The following TMEM235 variants were observed in gnomAD, a reference collection of about 807,000 sequenced individuals.
TMEM235 encodes transmembrane protein 235, also known as claudin-27.
In TMEM235, 23 loss-of-function variants were observed where a neutral mutation model predicts 22.9. The observed-to-expected ratio is 1.00, with a 90% confidence interval of 0.72 to 1.42. The LOEUF is 1.42. Ranked by LOEUF, TMEM235 falls within the 40% of genes most tolerant of loss-of-function variation. TMEM235 has a pLI of 0.00. For missense variants in TMEM235, 308 were observed against 299.5 expected (o/e 1.03, Z -0.21); for synonymous variants, 137 against 140.5 (o/e 0.98, Z 0.17).
chr17:78,235,596 A>G (rs1322185449), intron 4 of TMEM235, among the ~76,000 whole-genome samples: 1 of 126,370 alleles, frequency 7.9e-6, no homozygotes, highest in Admixed American at 8.1e-5. Flanking sequence ...TGGGTGCTAC[A>G]TAGTTTTTTT....
rs11077351 is a variant in TMEM235, at chr17:78,237,607, G to T, written c.410-1417G>T. ...AGCTGGTGGGGCGGCCTGCCAGGAA[G>T]TGGGGCCTTGGGCTGCAGCTGCAGC... On this transcript the variant is annotated intron_variant, in intron 4 of 5. Coordinates refer to ENST00000421688, the Ensembl canonical transcript of TMEM235. The surrounding 1 kb of genome is among the most constrained non-coding windows in gnomAD (Gnocchi z 4.7). Among the ~76,000 whole-genome samples, 36,036 of 151,864 alleles carry T rather than the reference G, an allele frequency of 0.24. 4,628 individuals are homozygous for T. Among genetic ancestry groups the T allele is most frequent in the Admixed American group, 0.31 (4,689 of 15,276 alleles).
At chr17:78,231,381 G>A (rs1470566874) in intron 1 of TMEM235, 5 of 1,255,866 alleles carry the variant, frequency 4.0e-6, no homozygotes, top group Admixed American at 2.6e-5. Flanking sequence ...TTGCTGGAGG[G>A]GGCATTTGTA....
exon 5 of TMEM235, chr17:78,239,229 C>T (rs1414497849): frequency 1.9e-6 from 3 of 1,542,730 alleles, no homozygotes; most frequent in East Asian, 4.9e-5. Context: ...TCAGCCTGAG[C>T]CCCCCAATCT....
chr17:78,239,307 C>A, intron 5 of TMEM235, 34 bp downstream of exon 4: 1 of 1,521,928 alleles, frequency 6.6e-7, no homozygotes, highest in Non-Finnish European at 8.8e-7. Context: ...TTGCACCTCC[C>A]GGGATTGGGC....
rs1407542027 is a variant in TMEM235 at position 78,236,453 on chromosome 17, C to T, written c.409+1723C>T. 4.6e-5 allele frequency among the ~76,000 whole-genome samples: 7 copies of T among 152,216 alleles called. No individual in the cohort carries two copies. In the East Asian group the frequency reaches 9.6e-4, roughly 21 times the overall value. ...CGCGGCTCCAGCTCTGACTACATGC[C>T]GAGTGCTGGCCAAGTGCTCCTCCGA... On this transcript the variant is annotated intron_variant, in intron 4 of 5. Coordinates refer to ENST00000421688, the Ensembl canonical transcript of TMEM235.
Position 78,237,819 on chromosome 17 carries a change from T to A in TMEM235, c.410-1205T>A, listed in dbSNP as rs972911538. Among the ~76,000 whole-genome samples the A allele has an allele frequency of 6.6e-6, 1 of 152,132 alleles. No individual in the cohort carries two copies. Among genetic ancestry groups the A allele is most frequent in the Non-Finnish European group, 1.5e-5 (1 of 68,002 alleles). The stretch of plus-strand genomic sequence containing the variant: ...CTGCCCAGCCGGGCAGGCATCCGTG[T>A]GTCCTCCCTCCCTCAGCCTCCCCAT... On this transcript the variant is annotated intron_variant, in intron 4 of 5. Transcript: ENST00000421688. The surrounding 1 kb of genome is among the most constrained non-coding windows in gnomAD (Gnocchi z 4.7).
chr17:78,239,389 G>A (rs1048143151), intron 5 of TMEM235, 116 bp downstream of exon 4: 139 of 1,275,644 alleles, frequency 1.1e-4, no homozygotes, highest in Non-Finnish European at 1.4e-4. Flanking sequence ...GGCCAGGAAG[G>A]GGCTGGGGGT....
rs2076615506 is a variant in TMEM235, at chr17:78,234,092, G to A, written c.271+117G>A. 4.1e-6 allele frequency: 4 copies of A among 981,780 alleles called. No homozygotes were observed. In the East Asian group the frequency reaches 1.0e-4, roughly 26 times the overall value. The allele number at this position is 981,780 out of a possible 1,614,324, so 60.8% of individuals were successfully genotyped here. On this transcript the variant is annotated intron_variant, in intron 3 of 5. Coordinates refer to ENST00000421688, the Ensembl canonical transcript of TMEM235. ...TTCCACTGCCCCTGCGTTTCCAAGAGGACGTTTCCACGCAGACCTGTCCCA... is the reference window on the plus strand; with the variant it reads ...TTCCACTGCCCCTGCGTTTCCAAGAAGACGTTTCCACGCAGACCTGTCCCA...
At chr17:78,239,784 G>A (rs2076688327) in exon 6 of TMEM235, 1 of 1,545,838 alleles carries the variant, frequency 6.5e-7, no homozygotes, top group Non-Finnish European at 8.8e-7. Context: ...TTACAGAGGG[G>A]GAGACTGAGG....
chr17:78,234,449 CT>C, intron 3 of TMEM235, 143 bp from the exon 3 acceptor site: 1 of 1,268,686 alleles, frequency 7.9e-7, no homozygotes, highest in South Asian at 1.3e-5. Flanking sequence ...GAGGGGGCCA[CT>C]GGGAGGGTCC....
At chr17:78,233,435 C>T (rs2076606193) in intron 2 of TMEM235, among the ~76,000 whole-genome samples, 1 of 152,192 alleles carries the variant, frequency 6.6e-6, no homozygotes, top group South Asian at 2.1e-4. Flanking sequence ...AGGCTGGGCC[C>T]GGTGGCCCAC....
At chr17:78,232,273 T>C in intron 2 of TMEM235, 60 bp downstream of exon 1, 1 of 1,377,092 alleles carries the variant, frequency 7.3e-7, no homozygotes, top group Non-Finnish European at 9.4e-7. Context: ...GACACCCCCT[T>C]AACCCCGCCC....
chr17:78,240,022 T>C (rs1245268337), exon 6 of TMEM235: 2 of 1,517,844 alleles, frequency 1.3e-6, no homozygotes, highest in African/African-American at 1.4e-5. Flanking sequence ...TCAAGCCTGC[T>C]AGGTACTTTT....
chr17:78,231,980 G>A, exon 2 of TMEM235: 1 of 1,102,640 alleles, frequency 9.1e-7, no homozygotes, highest in Non-Finnish European at 1.1e-6. Context: ...GCCGCCCCCG[G>A]GGCCCTGCTA....
intron 4 of TMEM235, among the ~76,000 whole-genome samples, chr17:78,236,990 G>C (rs940317904): frequency 2.0e-5 from 3 of 152,354 alleles, no homozygotes; most frequent in Middle Eastern, 3.4e-3. Flanking sequence ...CCAGCGACTA[G>C]AGTGTAATTG....
chr17:78,231,934 C>G (rs2076584606), exon 2 of TMEM235: 3 of 999,264 alleles, frequency 3.0e-6, no homozygotes, highest in South Asian at 9.1e-5. Context: ...GCCCGCCCGC[C>G]CCCCGTCCCC....
chr17:78,234,153 C>A, intron 3 of TMEM235, 178 bp downstream of exon 2: 1 of 703,332 alleles, frequency 1.4e-6, no homozygotes, highest in Non-Finnish European at 2.5e-6. Flanking sequence ...AGGTGCCCAG[C>A]TCCCAGCCTA....
chr17:78,239,188 G>T lies in TMEM235; in HGVS notation c.574G>T (p.Gly192Ter), dbSNP rs554696302. 7.8e-6 allele frequency: 12 copies of T among 1,543,258 alleles called. No individual in the cohort carries two copies. The highest frequency in any genetic ancestry group is 1.7e-4 in the Middle Eastern group (1 of 6,008). Residue 192 changes from glycine (G) to a stop codon, truncating the protein, a stop_gained, in exon 5 of 6, where the codon GGA becomes TGA. Transcript: ENST00000421688. LOFTEE classifies it high-confidence loss of function. ...CTCCTGTGCCTTGGAGGCATTCAGC[G>T]GAACCCTCCTGCTCTCAGCTGCCTG...
At chr17:78,240,148 CCACTGTGAGTG>C (rs2081105976) in exon 6 of TMEM235, 3 of 1,102,834 alleles carry the variant, frequency 2.7e-6, no homozygotes, top group Non-Finnish European at 3.6e-6. Flanking sequence ...GGGAGGTATG[CCACTGTGAGTG>C]CCCTGGTGGG....
Sources: gnomAD v4.1 joint callset for allele counts (sites outside exome capture counted in the v4.1 genomes callset) on GRCh38, gnomAD v4.1.1 for gene constraint, Gnocchi (gnomAD v3.1) non-coding constraint, MANE v1.5 for transcripts, NCBI Gene and HGNC (gene_info 2026-07-23, HGNC 2026-07-21) for gene names.